The following PCM1 variants were observed in gnomAD, a reference collection of about 807,000 sequenced individuals.
PCM1 encodes the protein pericentriolar material 1, also known as pericentriolar material 1 protein.
A neutral mutation model predicts 241.9 loss-of-function variants in PCM1; 157 were observed. The ratio of observed to expected loss-of-function variants is 0.65; its 90% confidence interval spans 0.57 to 0.74. The LOEUF is 0.74. PCM1 is among the 30% of genes least tolerant of loss of function. The pLI, the probability that PCM1 is intolerant of heterozygous loss-of-function variation, is 0.00. For synonymous variants in PCM1, 1,085 were observed against 784.9 expected (o/e 1.38, Z -6.39); for missense variants, 3,478 against 2,360.1 (o/e 1.47, Z -9.81).
chr8:17,994,544 A>G (rs1202483503), intron 29 of PCM1, among the ~76,000 whole-genome samples: 5 of 152,182 alleles, frequency 3.3e-5, no homozygotes, highest in Non-Finnish European at 7.4e-5. Flanking sequence ...TTTTCTGTAT[A>G]TACCCAGCAG....
chr8:17,960,099 A>T lies in PCM1; in HGVS notation c.2126A>T (p.Asn709Ile). 1 of 1,607,786 alleles carries T rather than the reference A, an allele frequency of 6.2e-7. No homozygotes were observed. Among genetic ancestry groups the T allele is most frequent in the Non-Finnish European group, 8.5e-7 (1 of 1,176,312 alleles). The part of the protein sequence containing the change: ...FYPAEEDTKQ[N>I]SNNTRGNANK... ...CCAGCAGAAGAAGACACCAAGCAAA[A>T]TTCAAATAACACTAGAGGAAATGCC... Residue 709 changes from asparagine (N) to isoleucine (I), a missense_variant, in exon 14 of 39, where the codon AAT becomes ATT. Physicochemically the swap from Asn to Ile is moderately radical, Grantham distance 149. Coordinates refer to ENST00000325083, the MANE Select transcript of PCM1 (RefSeq NM_006197.4).
Position 17,965,989 on chromosome 8 carries a change from C to T in PCM1, c.2856-10C>T. ...TGTATGATGACTTAATGCTTTCAAT[C>T]TTGTGTTAGGTGGAAGAACAATTGC... is the stretch of plus-strand genomic sequence containing the variant. On this transcript the variant is annotated splice_polypyrimidine_tract_variant and intron_variant, in intron 18 of 38. Coordinates refer to ENST00000325083, the MANE Select transcript of PCM1 (RefSeq NM_006197.4). The T allele has an allele frequency of 6.3e-7, 1 of 1,595,388 alleles. No homozygotes were observed.
chr8:17,990,108 T>A, intron 27 of PCM1, 129 bp downstream of exon 27: 1 of 634,830 alleles, frequency 1.6e-6, no homozygotes, highest in Non-Finnish European at 2.4e-6. Context: ...TGGACTTAAT[T>A]ATCTATCAGT....
intron 3 of PCM1, among the ~76,000 whole-genome samples, chr8:17,936,631 A>C (rs548314483): frequency 1.3e-5 from 2 of 152,298 alleles, no homozygotes; most frequent in African/African-American, 4.8e-5. Context: ...ACACTATTTT[A>C]GAGATTAGGA....
At chr8:18,007,792 C>T (rs1260895539) in intron 30 of PCM1, among the ~76,000 whole-genome samples, 1 of 152,036 alleles carries the variant, frequency 6.6e-6, no homozygotes. Flanking sequence ...CACAAAGCAC[C>T]CAGCATATGT....
Position 17,957,590 on chromosome 8 carries a change from G to A in PCM1, c.1855G>A (p.Glu619Lys). 6.4e-7 allele frequency: 1 copy of A among 1,572,746 alleles called. No homozygotes were observed. The change falls in exon 13 of 39, where the codon GAA (glutamate) becomes AAA (lysine). Residue 619 changes from glutamate (E) to lysine (K), a missense_variant. Glu to Lys is a moderately conservative substitution (Grantham distance 56). Coordinates refer to ENST00000325083, the MANE Select transcript of PCM1 (RefSeq NM_006197.4). The part of the protein sequence containing the change: ...GEQEIHVAQG[E>K]DDEEEEEEAE... ...ACAGGAGATTCATGTTGCACAAGGT[G>A]AAGATGATGAGGAGGAGGAGGAAGA...
chr8:17,953,904 T>C (rs192259226), intron 9 of PCM1, among the ~76,000 whole-genome samples: 40 of 152,336 alleles, frequency 2.6e-4, no homozygotes, highest in African/African-American at 9.1e-4. Context: ...TTAAACATTC[T>C]AGCTGCTGTC....
At chr8:18,023,793 T>C (rs1019573742) in intron 36 of PCM1, among the ~76,000 whole-genome samples, 5 of 152,222 alleles carry the variant, frequency 3.3e-5, no homozygotes, top group African/African-American at 1.2e-4. Flanking sequence ...CAGCAGCCAC[T>C]CACACGTCAG....
intron 23 of PCM1, among the ~76,000 whole-genome samples, chr8:17,973,089 T>C (rs2077395121): frequency 6.6e-6 from 1 of 152,206 alleles, no homozygotes; most frequent in Non-Finnish European, 1.5e-5. Flanking sequence ...TCTAAATACA[T>C]TGCAGTTTTT....
At chr8:17,957,493 T>A in intron 12 of PCM1, 47 bp from the exon 13 acceptor site, 1 of 1,605,502 alleles carries the variant, frequency 6.2e-7, no homozygotes, top group Non-Finnish European at 8.5e-7. Context: ...TCATGTGTGC[T>A]CTTTCCTTTA....
intron 29 of PCM1, among the ~76,000 whole-genome samples, chr8:17,995,273 T>C (rs773196141): frequency 6.6e-6 from 1 of 151,466 alleles, no homozygotes; most frequent in Non-Finnish European, 1.5e-5. Context: ...GCACCATTTA[T>C]TGTGAAGAGA....
chr8:17,998,057 G>C (rs796114210), intron 29 of PCM1, among the ~76,000 whole-genome samples: 10 of 151,154 alleles, frequency 6.6e-5, no homozygotes, highest in African/African-American at 2.4e-4. Flanking sequence ...AAAAAATTCT[G>C]AATTCCCTTC....
Position 18,010,612 on chromosome 8 carries a change from A to G in PCM1, c.5164A>G (p.Lys1722Glu). The change falls in exon 32 of 39, where the codon AAA becomes GAA. Residue 1722 changes from lysine (K) to glutamate (E), a missense_variant. Coordinates refer to ENST00000325083, the MANE Select transcript of PCM1 (RefSeq NM_006197.4). ...GTGTAATTGATTTGTTTTAAAGGCT[A>G]AAAGGATTCTTGAAGATCATGGCTC... is the stretch of plus-strand genomic sequence containing the variant. Reference protein sequence around the residue: ...GVIQSCAKEAKRILEDHGSPA... With the variant: ...GVIQSCAKEAERILEDHGSPA... 20 of 1,595,448 alleles carry G rather than the reference A, an allele frequency of 1.3e-5. No homozygotes were observed. The highest frequency in any genetic ancestry group is 1.7e-4 in the Middle Eastern group (1 of 6,004).
intron 4 of PCM1, among the ~76,000 whole-genome samples, chr8:17,937,841 T>G (rs549283221): frequency 6.6e-6 from 1 of 152,178 alleles, no homozygotes; most frequent in African/African-American, 2.4e-5. Context: ...TCTTGAGAGA[T>G]ATTTTACTCT....
At chr8:17,964,086 GGC>G (rs2073808888) in intron 17 of PCM1, among the ~76,000 whole-genome samples, 1 of 152,078 alleles carries the variant, frequency 6.6e-6, no homozygotes, top group African/African-American at 2.4e-5. Context: ...TGTCCAGTAT[GGC>G]AGCCACTAGA....
intron 38 of PCM1, among the ~76,000 whole-genome samples, chr8:18,026,707 C>G (rs950060377): frequency 6.6e-6 from 1 of 152,110 alleles, no homozygotes; most frequent in Admixed American, 6.6e-5. Context: ...TCCTCCTCCT[C>G]TCAGTGTTCA....
intron 7 of PCM1, 87 bp downstream of exon 7, chr8:17,947,450 A>G (rs533336167): frequency 4.3e-4 from 405 of 947,844 alleles, no homozygotes; most frequent in East Asian, 4.7e-4. Context: ...TTACATAATC[A>G]GATCTTGATT....
chr8:17,937,418 A>G (rs1157072881), intron 4 of PCM1, 39 bp downstream of exon 4: 20 of 1,468,832 alleles, frequency 1.4e-5, no homozygotes, highest in Non-Finnish European at 1.8e-5. Flanking sequence ...TATTACTGTG[A>G]GAAATACTTG....
At chr8:18,006,640 C>G (rs988823184) in intron 30 of PCM1, among the ~76,000 whole-genome samples, 1 of 152,116 alleles carries the variant, frequency 6.6e-6, no homozygotes, top group Non-Finnish European at 1.5e-5. Flanking sequence ...CTCTTATAAG[C>G]TTTTACTGGT....
Sources: gnomAD v4.1 joint callset for allele counts (sites outside exome capture counted in the v4.1 genomes callset) on GRCh38, gnomAD v4.1.1 for gene constraint, MANE v1.5 for transcripts, NCBI Gene and HGNC (gene_info 2026-07-23, HGNC 2026-07-21) for gene names.